Variants in GRIA1 observed in about 807,000 individuals in gnomAD.
GRIA1 encodes the protein glutamate receptor 1.
A neutral mutation model predicts 99.2 loss-of-function variants in GRIA1; 31 were observed. The observed-to-expected ratio is 0.31, with a 90% CI of 0.23 to 0.42. The LOEUF is 0.42. Ranked by LOEUF, GRIA1 falls within the 10% of genes least tolerant of loss-of-function variation. The pLI is 1.00. For missense variants in GRIA1, 782 were observed against 1,157.5 expected (o/e 0.68, Z 4.71); for synonymous variants, 438 against 432.4 (o/e 1.01, Z -0.16).
intron 2 of GRIA1, among the ~76,000 whole-genome samples, chr5:153,524,187 C>T (rs905279115): frequency 3.3e-5 from 5 of 152,090 alleles, no homozygotes; most frequent in Admixed American, 2.0e-4. Flanking sequence ...ATTAGCTGGG[C>T]GTGGTGGGGC....
intron 8 of GRIA1, among the ~76,000 whole-genome samples, chr5:153,692,441 C>T (rs1052055429): frequency 6.6e-6 from 1 of 152,122 alleles, no homozygotes; most frequent in Non-Finnish European, 1.5e-5. Context: ...AAAAGAAGAC[C>T]ATTTTGTGAC....
chr5:153,775,082 G>C (rs1764132973), intron 13 of GRIA1, among the ~76,000 whole-genome samples: 1 of 152,300 alleles, frequency 6.6e-6, no homozygotes, highest in African/African-American at 2.4e-5. Flanking sequence ...CTAGGGAAAG[G>C]CAATTGGTAA....
intron 11 of GRIA1, among the ~76,000 whole-genome samples, chr5:153,707,364 A>G (rs1268006020): frequency 1.3e-5 from 2 of 152,226 alleles, no homozygotes; most frequent in African/African-American, 4.8e-5. Flanking sequence ...AAACCTGCCA[A>G]TCTAGACCAA....
intron 14 of GRIA1, among the ~76,000 whole-genome samples, chr5:153,800,603 G>A (rs1428252602): frequency 2.0e-5 from 3 of 152,194 alleles, no homozygotes; most frequent in African/African-American, 4.8e-5. Context: ...AGAGCCATCT[G>A]CTTTAGCAAT....
intron 2 of GRIA1, among the ~76,000 whole-genome samples, chr5:153,527,333 T>A (rs760914483): frequency 1.3e-5 from 2 of 152,172 alleles, no homozygotes; most frequent in African/African-American, 2.4e-5. Flanking sequence ...AGGTGCATCG[T>A]GTTAGTTACA....
intron 8 of GRIA1, among the ~76,000 whole-genome samples, chr5:153,687,131 T>C (rs1757398959): frequency 6.6e-6 from 1 of 152,182 alleles, no homozygotes; most frequent in Admixed American, 6.5e-5. Flanking sequence ...TGGCCTTTCT[T>C]ATTATGCTTC....
At chr5:153,511,325 G>T (rs1756050551) in intron 2 of GRIA1, among the ~76,000 whole-genome samples, 1 of 152,176 alleles carries the variant, frequency 6.6e-6, no homozygotes, top group Admixed American at 6.5e-5. Context: ...AGGCAGTGCA[G>T]GTGCAGGTGC....
chr5:153,556,619 C>T (rs937789151), intron 2 of GRIA1, among the ~76,000 whole-genome samples: 1 of 152,034 alleles, frequency 6.6e-6, no homozygotes, highest in Non-Finnish European at 1.5e-5. Flanking sequence ...ATTTTATGTT[C>T]CTAGTCTCTA....
intron 2 of GRIA1, among the ~76,000 whole-genome samples, chr5:153,527,302 A>G (rs1054628263): frequency 2.0e-5 from 3 of 152,174 alleles, no homozygotes; most frequent in African/African-American, 7.2e-5. Flanking sequence ...GGATTAGTGT[A>G]TTTTTGGTTG....
At chr5:153,757,360 C>CTTTT (rs1762900607) in intron 11 of GRIA1, among the ~76,000 whole-genome samples, 1 of 151,958 alleles carries the variant, frequency 6.6e-6, no homozygotes, top group African/African-American at 2.4e-5. Context: ...AGAAGAAAAA[C>CTTTT]ACAAAAGGGT....
At chr5:153,660,936 C>A (rs145013019) in intron 5 of GRIA1, among the ~76,000 whole-genome samples, 1 of 152,276 alleles carries the variant, frequency 6.6e-6, no homozygotes, top group East Asian at 1.9e-4. Context: ...CAGGTCTTAT[C>A]GGGGTACTTG....
intron 1 of GRIA1, among the ~76,000 whole-genome samples, chr5:153,491,857 G>A (rs1051746568): frequency 2.0e-5 from 3 of 152,080 alleles, no homozygotes; most frequent in Non-Finnish European, 4.4e-5. Context: ...ACTTCTCAAA[G>A]GCCCCGCCAC....
chr5:153,632,480 T>C (rs987355922), intron 2 of GRIA1, among the ~76,000 whole-genome samples: 1 of 152,202 alleles, frequency 6.6e-6, no homozygotes, highest in Non-Finnish European at 1.5e-5. Flanking sequence ...GCTGTGCTAC[T>C]CAGAGCAAGC....
At chr5:153,573,064 C>T (rs1762257740) in intron 2 of GRIA1, among the ~76,000 whole-genome samples, 1 of 152,138 alleles carries the variant, frequency 6.6e-6, no homozygotes, top group Non-Finnish European at 1.5e-5. Context: ...TGAGTGACAA[C>T]CCAAATAAAG....
chr5:153,566,595 C>T (rs975685114), intron 2 of GRIA1, among the ~76,000 whole-genome samples: 3 of 151,440 alleles, frequency 2.0e-5, no homozygotes, highest in Non-Finnish European at 2.9e-5. Context: ...TGTGAACCAC[C>T]ATGCCCAGCC....
At chr5:153,493,577 G>A (rs992514663) in intron 1 of GRIA1, among the ~76,000 whole-genome samples, 1 of 152,184 alleles carries the variant, frequency 6.6e-6, no homozygotes, top group African/African-American at 2.4e-5. Context: ...GGGGGCTTAT[G>A]TGTATGTTTA....
intron 3 of GRIA1, among the ~76,000 whole-genome samples, chr5:153,648,845 C>G (rs952398342): frequency 2.6e-5 from 4 of 151,864 alleles, no homozygotes; most frequent in Non-Finnish European, 5.9e-5. Flanking sequence ...GACACCCCCC[C>G]CCAAGATGTT....
intron 2 of GRIA1, among the ~76,000 whole-genome samples, chr5:153,638,527 A>G (rs567554464): frequency 1.3e-5 from 2 of 152,322 alleles, no homozygotes; most frequent in African/African-American, 4.8e-5. Flanking sequence ...GCTTCCCTTG[A>G]CCCAGGGGCG....
intron 2 of GRIA1, among the ~76,000 whole-genome samples, chr5:153,621,712 T>A (rs1767068684): frequency 6.6e-6 from 1 of 152,102 alleles, no homozygotes; most frequent in African/African-American, 2.4e-5. Context: ...AATGTGATAA[T>A]ATGGATGAAG....
Sources: gnomAD v4.1 joint callset for allele counts (sites outside exome capture counted in the v4.1 genomes callset) on GRCh38, gnomAD v4.1.1 for gene constraint, MANE v1.5 for transcripts, NCBI Gene and HGNC (gene_info 2026-07-23, HGNC 2026-07-21) for gene names.